RFX1: variants seen among roughly 807,000 people sequenced by gnomAD.
RFX1 encodes the protein regulatory factor X1.
A neutral mutation model predicts 119.6 loss-of-function variants in RFX1; 42 were observed. That is an observed-to-expected ratio of 0.35 (90% CI 0.27 to 0.45). RFX1 has a LOEUF of 0.45. Among genes scored for constraint, RFX1 ranks in the 20% least tolerant of loss-of-function variants. RFX1 has a pLI of 1.00. For missense variants in RFX1, 1,118 were observed against 1,368.1 expected, an observed-to-expected ratio of 0.82 and a Z score of 2.88; for synonymous variants, 628 against 618.5, an observed-to-expected ratio of 1.02 and a Z score of -0.23.
rs1180352144 is a variant in RFX1 at position 13,965,546 on chromosome 19, C to T, written c.2114G>A (p.Ser705Asn). The T allele has an allele frequency of 2.5e-6, 4 of 1,613,532 alleles. No homozygotes were observed. Among genetic ancestry groups the T allele is most frequent in the Non-Finnish European group, 2.5e-6 (3 of 1,179,958 alleles). ...LIPDVLRPIP[S>N]ALTQAIRNFA... ...GTTCCGGATCGCTTGGGTCAAGGCA[C>T]CTGTGGGCGGTGGCGGGGGTCGGTC... Residue 705 changes from serine to asparagine, a missense_variant and splice_region_variant, in exon 16 of 21, where the codon AGT becomes AAT. By Grantham distance (46) the Ser-to-Asn change is conservative. This residue lies in a region of RFX1 where 338 missense variants were observed against 508.9 expected (regional missense o/e 0.66). Coordinates refer to ENST00000254325, the MANE Select transcript of RFX1 (RefSeq NM_002918.5). The surrounding 1 kb of genome is among the most constrained non-coding windows in gnomAD (Gnocchi z 4.7).
At position 13,990,082 on chromosome 19, in the gene RFX1, G is replaced by C. The variant is rs1427293135; in HGVS notation, c.319+3443C>G. ...GAGGGGCTGGATGTGGGGTCCTGCGGTTCAGGGTTGCAGCCCAGGCTGGAG... is the reference window on the plus strand; with the variant it reads ...GAGGGGCTGGATGTGGGGTCCTGCGCTTCAGGGTTGCAGCCCAGGCTGGAG... On this transcript the variant is annotated intron_variant, in intron 2 of 20. Transcript: ENST00000254325. This position sits in a 1 kb window ranked among gnomAD's most constrained non-coding sequence, Gnocchi z 4.1. Among the ~76,000 whole-genome samples, 1 of 152,128 alleles carries C rather than the reference G, an allele frequency of 6.6e-6. No individual in the cohort carries two copies. Among genetic ancestry groups the C allele is most frequent in the African/African-American group, 2.4e-5 (1 of 41,440 alleles).
chr19:13,981,073 C>G (rs549526333), intron 5 of RFX1, among the ~76,000 whole-genome samples: 4 of 152,208 alleles, frequency 2.6e-5, no homozygotes, highest in African/African-American at 9.7e-5. Context: ...AATGTACTCA[C>G]TGGAATCTCA....
intron 2 of RFX1, among the ~76,000 whole-genome samples, chr19:13,988,969 CTG>C (rs757736135): frequency 5.3e-4 from 81 of 152,300 alleles, no homozygotes; most frequent in South Asian, 4.1e-4. Flanking sequence ...TTGCAGTGAA[CTG>C]AGATCGCACC....
At chr19:13,975,745 T>C (rs1974237878) in intron 8 of RFX1, among the ~76,000 whole-genome samples, 1 of 152,216 alleles carries the variant, frequency 6.6e-6, no homozygotes, top group Non-Finnish European at 1.5e-5. Flanking sequence ...TAAATGAATG[T>C]GTGCAGCTCT....
chr19:14,000,353 G>A (rs746397245), intron 1 of RFX1, among the ~76,000 whole-genome samples: 1 of 152,154 alleles, frequency 6.6e-6, no homozygotes, highest in East Asian at 1.9e-4. Context: ...GGGTGTGGTG[G>A]TGTGTGGCTG....
Position 13,962,839 on chromosome 19 carries a change from C to A in RFX1, c.2796G>T (p.Glu932Asp). ...DKDEEEEEEE[E>D]SEDELPQDIS... ...TGTCCTGCGGCAGCTCGTCCTCGCT[C>A]TCCTCCTCCTCTTCTTCCTCCTCGT... The change falls in exon 21 of 21, where the codon GAG becomes GAT. Residue 932 changes from glutamate to aspartate, a missense_variant. By Grantham distance (45) the Glu-to-Asp change is conservative (BLOSUM62 2). Around this residue, in one of 5 missense-constraint regions of RFX1, gnomAD observed 138 missense variants for 117.8 expected, o/e 1.17. Coordinates refer to ENST00000254325, the MANE Select transcript of RFX1 (RefSeq NM_002918.5). 6.5e-7 allele frequency: 1 copy of A among 1,527,244 alleles called. No homozygotes were observed. 94.6% of individuals were successfully genotyped at this position (1,527,244 alleles called of 1,614,324 possible).
In RFX1 at chr19:13,970,142, C is replaced by T; in HGVS notation, c.1348G>A (p.Glu450Lys). The change falls in exon 10 of 21, where the codon GAG (glutamate) becomes AAG (lysine). Residue 450 changes from glutamate (E) to lysine (K), a missense_variant. Physicochemically the swap from Glu to Lys is moderately conservative, Grantham distance 56. Coordinates refer to ENST00000254325, the MANE Select transcript of RFX1 (RefSeq NM_002918.5). ...GTGCTCCGTGGCAGACTCACGCCCT[C>T]AGCCGTCTCATAGTTGTCCAGGAGC... ...QWLLDNYETA[E>K]GVSLPRSTLY... The T allele has an allele frequency of 6.2e-7, 1 of 1,613,090 alleles. No homozygotes were observed. Among genetic ancestry groups the T allele is most frequent in the Non-Finnish European group, 8.5e-7 (1 of 1,179,460 alleles).
chr19:13,970,661 C>CAAAAAAAAAAAAAAAAAAAA (rs1167910642), intron 9 of RFX1, among the ~76,000 whole-genome samples: 3 of 25,828 alleles, frequency 1.2e-4, no homozygotes, highest in Non-Finnish European at 2.3e-4. Context: ...GACCTTGTCT[C>CAAAAAAAAAAAAAAAAAAAA]AAAAAAAAAA....
chr19:13,977,295 AAAAAAAAAAC>A (rs754599085), intron 8 of RFX1, among the ~76,000 whole-genome samples: 1 of 149,980 alleles, frequency 6.7e-6, no homozygotes, highest in Non-Finnish European at 1.5e-5. Context: ...CTCCATCTCA[AAAAAAAAAAC>A]AAAAAAAAAG....
At position 13,970,054 on chromosome 19, in the gene RFX1, G is replaced by A; in HGVS notation, c.1436C>T (p.Ser479Phe). 6.2e-7 allele frequency: 1 copy of A among 1,614,148 alleles called. No individual in the cohort carries two copies. The highest frequency in any genetic ancestry group is 8.5e-7 in the Non-Finnish European group (1 of 1,180,024). ...EQKLEPVNAA[S>F]FGKLIRSVFM... ...GACGGAGCGGATGAGCTTGCCGAAGGAGGCGGCGTTGACGGGCTCCAGCTT... is the reference window on the plus strand; with the variant it reads ...GACGGAGCGGATGAGCTTGCCGAAGAAGGCGGCGTTGACGGGCTCCAGCTT... Residue 479 changes from serine to phenylalanine, a missense_variant, in exon 10 of 21, where the codon TCC becomes TTC. This residue lies in a region of RFX1 where 338 missense variants were observed against 508.9 expected (regional missense o/e 0.66). Coordinates refer to ENST00000254325, the MANE Select transcript of RFX1 (RefSeq NM_002918.5).
intron 1 of RFX1, among the ~76,000 whole-genome samples, chr19:14,000,743 A>G (rs1975189906): frequency 6.6e-6 from 1 of 151,450 alleles, no homozygotes; most frequent in Non-Finnish European, 1.5e-5. Context: ...GGCTTCAGTG[A>G]GCTATGATCA....
At chr19:13,992,738 A>G (rs1974846562) in intron 2 of RFX1, among the ~76,000 whole-genome samples, 1 of 152,234 alleles carries the variant, frequency 6.6e-6, no homozygotes, top group Non-Finnish European at 1.5e-5. Context: ...ACTGGTGTGT[A>G]GCCAGGCCAG....
In RFX1 at chr19:13,962,244, C is replaced by G. The variant is rs549432464; in HGVS notation, c.*451G>C. ...GGCTGCTGCTGACAGTGGGGAGTCC[C>G]CAGGTGACGCCCACCTGCGCCGGCC... On this transcript the variant is annotated 3_prime_UTR_variant, in exon 21 of 21. Transcript: ENST00000254325. 1 of 168,202 alleles carries G rather than the reference C, an allele frequency of 5.9e-6. No homozygotes were observed. The highest frequency in any genetic ancestry group is 2.4e-5 in the African/African-American group (1 of 41,906). 10.4% of individuals were successfully genotyped at this position (168,202 alleles called of 1,614,324 possible).
intron 8 of RFX1, among the ~76,000 whole-genome samples, chr19:13,974,236 T>C (rs1005741835): frequency 6.6e-5 from 10 of 151,980 alleles, no homozygotes; most frequent in African/African-American, 2.4e-4. Flanking sequence ...GATGCTGTGA[T>C]TGGAAGGGAC....
At chr19:14,006,595 T>C (rs1367887995), upstream of RFX1, 1 of 152,200 alleles carries the variant, frequency 6.6e-6, no homozygotes, top group East Asian at 1.9e-4. Context: ...ACGGGATTGG[T>C]TTGCCGATGT....
intron 12 of RFX1, among the ~76,000 whole-genome samples, chr19:13,967,864 G>C (rs1973954684): frequency 6.6e-6 from 1 of 152,216 alleles, no homozygotes; most frequent in Admixed American, 6.5e-5. Context: ...TGGGATGGCT[G>C]GATGGGAAAG....
chr19:13,994,489 G>A (rs1020144063), intron 1 of RFX1, among the ~76,000 whole-genome samples: 2 of 152,082 alleles, frequency 1.3e-5, no homozygotes, highest in Non-Finnish European at 2.9e-5. Flanking sequence ...GCCGAGGTGA[G>A]CGGATCACTT....
Position 13,970,095 on chromosome 19 carries a change from C to A in RFX1, c.1395G>T (p.Leu465=), listed in dbSNP as rs144813801. The A allele has an allele frequency of 1.2e-6, 2 of 1,613,970 alleles. No homozygotes were observed. Among genetic ancestry groups the A allele is most frequent in the Non-Finnish European group, 1.7e-6 (2 of 1,180,026 alleles). ...PRSTLYCHYL[L]HCQEQKLEPV... The stretch of plus-strand genomic sequence containing the variant: ...GCTCCAGCTTCTGCTCCTGGCAGTG[C>A]AGTAAGTAGTGGCAGTAGAGGGTGC... Residue 465 remains leucine (L), a synonymous_variant, in exon 10 of 21, where the codon CTG becomes CTT. Transcript: ENST00000254325.
intron 8 of RFX1, among the ~76,000 whole-genome samples, chr19:13,977,305 C>CA (rs955866585): frequency 4.4e-4 from 64 of 144,924 alleles, no homozygotes; most frequent in Middle Eastern, 3.5e-3. Flanking sequence ...AAAAAAAAAA[C>CA]AAAAAAAAAG....
Sources: gnomAD v4.1 joint callset for allele counts (sites outside exome capture counted in the v4.1 genomes callset) on GRCh38, gnomAD v4.1.1 for gene constraint, gnomAD v4.1.1 regional missense constraint, Gnocchi (gnomAD v3.1) non-coding constraint, MANE v1.5 for transcripts, NCBI Gene and HGNC (gene_info 2026-07-23, HGNC 2026-07-21) for gene names.